The following KCNQ1OT1 variants were observed in gnomAD, a reference collection of about 807,000 sequenced individuals.
KCNQ1OT1 encodes KCNQ1 antisense RNA 2 (non-protein coding).
chr11:2,688,080 TG>T (rs1449173395), exon 1 of KCNQ1OT1: 5 of 398,742 alleles, frequency 1.3e-5, no homozygotes, highest in African/African-American at 1.0e-4. Flanking sequence ...TTCTAGGGCC[TG>T]GGTATGCTGG....
Position 2,652,685 on chromosome 11 carries a change from G to T in KCNQ1OT1, n.47310C>A, listed in dbSNP as rs1590007779. 2 of 398,760 alleles carry T rather than the reference G, an allele frequency of 5.0e-6. No homozygotes were observed. The highest frequency in any genetic ancestry group is 7.1e-5 in the East Asian group (2 of 28,072). 24.7% of individuals were successfully genotyped at this position (398,760 alleles called of 1,614,324 possible). A position where few individuals can be genotyped will look rare whatever the true frequency, so the allele number is the denominator to read the frequency against. On this transcript the variant is annotated non_coding_transcript_exon_variant, in exon 1 of 1. Transcript: ENST00000597346. This position sits in a 1 kb window ranked among gnomAD's most constrained non-coding sequence, Gnocchi z 5.9. ...GGGTGGGTCGATTTTAGTTGTGTGGGTGGCTGTGTTGCTCTCTTTCCGTTT... is the reference window on the plus strand; with the variant it reads ...GGGTGGGTCGATTTTAGTTGTGTGGTTGGCTGTGTTGCTCTCTTTCCGTTT...
chr11:2,631,105 T>C, exon 1 of KCNQ1OT1: 1 of 398,566 alleles, frequency 2.5e-6, no homozygotes, highest in East Asian at 3.6e-5. Flanking sequence ...TTCATGTACC[T>C]AGATGTCCAT....
At chr11:2,662,730 T>C in exon 1 of KCNQ1OT1, 1 of 400,526 alleles carries the variant, frequency 2.5e-6, no homozygotes, top group Non-Finnish European at 4.4e-6. Flanking sequence ...CCAAGTCCAT[T>C]CTGGCCACAG....
At chr11:2,667,942 G>C in exon 1 of KCNQ1OT1, 1 of 398,682 alleles carries the variant, frequency 2.5e-6, no homozygotes, top group Non-Finnish European at 4.4e-6. Flanking sequence ...CCCGGAGGAA[G>C]CAACAGAACC....
At position 2,623,668 on chromosome 11, in the gene KCNQ1OT1, C is replaced by CATTTTAT; in HGVS notation, n.76326_76327insATAAAAT. The CATTTTAT allele has an allele frequency of 2.5e-6, 1 of 398,472 alleles. No individual in the cohort carries two copies. The highest frequency in any genetic ancestry group is 4.4e-6 in the Non-Finnish European group (1 of 226,012). 24.7% of individuals were successfully genotyped at this position (398,472 alleles called of 1,614,324 possible). On this transcript the variant is annotated non_coding_transcript_exon_variant, in exon 1 of 1. Coordinates refer to ENST00000597346, the Ensembl canonical transcript of KCNQ1OT1. The surrounding 1 kb of genome is among the most constrained non-coding windows in gnomAD (Gnocchi z 5.2). ...GTACTACAGTTTATCTGTCTACTCA[C>CATTTTAT]CTATGGAAGGACATCTCGGTTGCTT...
exon 1 of KCNQ1OT1, chr11:2,649,403 A>G (rs1849723619): frequency 2.5e-6 from 1 of 397,780 alleles, no homozygotes; most frequent in Non-Finnish European, 4.4e-6. Flanking sequence ...TAGTTTCATG[A>G]TGGTAGATAT....
chr11:2,619,064 AG>A, exon 1 of KCNQ1OT1: 1 of 398,456 alleles, frequency 2.5e-6, no homozygotes, highest in Non-Finnish European at 4.4e-6. Context: ...TAGTTCTAAC[AG>A]GTTGCTTTGT....
rs371488379 is a variant in KCNQ1OT1, at chr11:2,661,953, C to G, written n.38042G>C. 4.3e-6 allele frequency: 7 copies of G among 1,614,084 alleles called. No homozygotes were observed. Among genetic ancestry groups the G allele is most frequent in the Non-Finnish European group, 5.9e-6 (7 of 1,180,044 alleles). On this transcript the variant is annotated non_coding_transcript_exon_variant, in exon 1 of 1. Transcript: ENST00000597346. This position sits in a 1 kb window ranked among gnomAD's most constrained non-coding sequence, Gnocchi z 5.9. The stretch of plus-strand genomic sequence containing the variant: ...GCCTAACGTGCTGTCCCCACACTTT[C>G]TCCTCAGTAAGGAAGAGCCCAACAC...
chr11:2,649,484 C>T (rs965938247), exon 1 of KCNQ1OT1: 3 of 398,404 alleles, frequency 7.5e-6, no homozygotes, highest in Non-Finnish European at 1.3e-5. Flanking sequence ...GTAATGAATT[C>T]CCTCAGTTTT....
At chr11:2,675,948 A>G (rs1425717862) in exon 1 of KCNQ1OT1, 1 of 398,556 alleles carries the variant, frequency 2.5e-6, no homozygotes, top group East Asian at 3.6e-5. Context: ...GGTAAAACCA[A>G]TTCAGAGTAC....
At chr11:2,631,422 G>GT in exon 1 of KCNQ1OT1, 2 of 396,860 alleles carry the variant, frequency 5.0e-6, no homozygotes. Context: ...CCTCCAAAAT[G>GT]TTTGTTTTTT....
exon 1 of KCNQ1OT1, chr11:2,643,952 T>G (rs1337179802): frequency 7.5e-6 from 3 of 398,504 alleles, no homozygotes; most frequent in African/African-American, 6.2e-5. Context: ...CTGTAAAGTT[T>G]CTGCTGAAAA....
At chr11:2,692,479 A>C (rs1850605286) in exon 1 of KCNQ1OT1, 1 of 398,704 alleles carries the variant, frequency 2.5e-6, no homozygotes, top group Non-Finnish European at 4.4e-6. Flanking sequence ...CCTTTCTGGT[A>C]GTTCAGATGC....
exon 1 of KCNQ1OT1, chr11:2,643,766 T>C: frequency 2.5e-6 from 1 of 398,616 alleles, no homozygotes; most frequent in East Asian, 3.6e-5. Context: ...AAGCATTTTT[T>C]GTAGTGCCAG....
chr11:2,680,083 G>A, exon 1 of KCNQ1OT1: 1 of 395,788 alleles, frequency 2.5e-6, no homozygotes, highest in Non-Finnish European at 4.4e-6. Flanking sequence ...TTAGAGACAG[G>A]GTTTCACCAT....
chr11:2,650,662 G>A, exon 1 of KCNQ1OT1: 1 of 398,628 alleles, frequency 2.5e-6, no homozygotes. Flanking sequence ...TTTTGACAAA[G>A]CATTTTAAGC....
At position 2,674,392 on chromosome 11, in the gene KCNQ1OT1, C is replaced by A. The variant is rs530132064; in HGVS notation, n.25603G>T. The stretch of plus-strand genomic sequence containing the variant: ...GCTTCCTGCTTAGGGAAGGTGCATG[C>A]GTGCGTGTGTGTGTGCGCGCCCGCG... On this transcript the variant is annotated non_coding_transcript_exon_variant, in exon 1 of 1. Coordinates refer to ENST00000597346, the Ensembl canonical transcript of KCNQ1OT1. The surrounding 1 kb of genome is among the most constrained non-coding windows in gnomAD (Gnocchi z 5.9). The A allele has an allele frequency of 5.4e-5, 8 of 148,186 alleles. No homozygotes were observed. Among genetic ancestry groups the A allele is most frequent in the Admixed American group, 4.1e-4 (6 of 14,666 alleles). 9.2% of individuals were successfully genotyped at this position (148,186 alleles called of 1,614,324 possible). A position where few individuals can be genotyped will look rare whatever the true frequency, so the allele number is the denominator to read the frequency against.
rs1849649548 is a variant in KCNQ1OT1, at chr11:2,645,328, G to C, written n.54667C>G. 2.5e-6 allele frequency: 1 copy of C among 398,758 alleles called. No homozygotes were observed. The highest frequency in any genetic ancestry group is 4.4e-6 in the Non-Finnish European group (1 of 226,198). The allele number at this position is 398,758 out of a possible 1,614,324, so 24.7% of individuals were successfully genotyped here. On this transcript the variant is annotated non_coding_transcript_exon_variant, in exon 1 of 1. Transcript: ENST00000597346. This position sits in a 1 kb window ranked among gnomAD's most constrained non-coding sequence, Gnocchi z 5.8. ...GGTGCCAACAATACTGGATAGGGCA[G>C]GGTGATCCCTAGGCCCAGAGATGGT...
exon 1 of KCNQ1OT1, chr11:2,640,965 G>A (rs962399518): frequency 2.5e-6 from 1 of 398,596 alleles, no homozygotes; most frequent in East Asian, 3.6e-5. Context: ...ATGACCTCCA[G>A]CTCCATTCAT....
Sources: gnomAD v4.1 joint callset for allele counts on GRCh38, gnomAD v4.1.1 for gene constraint, Gnocchi (gnomAD v3.1) non-coding constraint, MANE v1.5 for transcripts, NCBI Gene and HGNC (gene_info 2026-07-23, HGNC 2026-07-21) for gene names.